The following TSHZ3 variants were observed in gnomAD, a reference collection of about 807,000 sequenced individuals.
The protein encoded by TSHZ3 is teashirt homolog 3.
Under a neutral mutation model 64.5 loss-of-function variants are expected in TSHZ3, and 10 were observed. The ratio of observed to expected loss-of-function variants is 0.16; its 90% CI spans 0.10 to 0.26. The LOEUF is 0.26. TSHZ3 is among the 10% of genes least tolerant of loss of function. The pLI is 1.00. For synonymous variants in TSHZ3, 608 were observed against 593.1 expected, an observed-to-expected ratio of 1.03 and a Z score of -0.36; for missense variants, 1,242 against 1,421.7, an observed-to-expected ratio of 0.87 and a Z score of 2.03.
At chr19:31,297,328 T>A (rs777274452) in intron 1 of TSHZ3, among the ~76,000 whole-genome samples, 2 of 152,190 alleles carry the variant, frequency 1.3e-5, no homozygotes, top group South Asian at 2.1e-4. Flanking sequence ...TGGAGACAGA[T>A]GTGCAGTGAG....
At chr19:31,231,723 G>A (rs1243088102) in intron 3 of TSHZ3, among the ~76,000 whole-genome samples, 1 of 152,038 alleles carries the variant, frequency 6.6e-6, no homozygotes, top group African/African-American at 2.4e-5. Flanking sequence ...TGCTTTATAG[G>A]GGAGGAAATG....
At chr19:31,336,747 G>T (rs1044694559) in intron 1 of TSHZ3, among the ~76,000 whole-genome samples, 5 of 152,144 alleles carry the variant, frequency 3.3e-5, no homozygotes, top group Non-Finnish European at 7.3e-5. Context: ...GAAGACCCCA[G>T]CCTGTGCCTC....
intron 1 of TSHZ3, among the ~76,000 whole-genome samples, chr19:31,303,168 G>A (rs1976781117): frequency 6.6e-6 from 1 of 152,166 alleles, no homozygotes; most frequent in South Asian, 2.1e-4. Context: ...CAGGCTAATG[G>A]GTGGGGTTGA....
Position 31,279,213 on chromosome 19 carries a change from C to A in TSHZ3, c.580G>T (p.Val194Leu). ...TTGCTGCTCTGCCGGTACAGCTGCACGGTGCTGAAGAGGCTGGGCTCCGGG... is the reference window on the plus strand; with the variant it reads ...TTGCTGCTCTGCCGGTACAGCTGCAAGGTGCTGAAGAGGCTGGGCTCCGGG... ...MLPEPSLFST[V>L]QLYRQSSKLY... Residue 194 changes from valine (V) to leucine (L), a missense_variant, in exon 2 of 2, where the codon GTG becomes TTG. By Grantham distance (32) the Val-to-Leu change is conservative (BLOSUM62 1). This residue lies in a region of TSHZ3 where 555 missense variants were observed against 704.0 expected (regional missense o/e 0.79). Transcript: ENST00000240587. This position sits in a 1 kb window ranked among gnomAD's most constrained non-coding sequence, Gnocchi z 6.4. 6.2e-7 allele frequency: 1 copy of A among 1,614,104 alleles called. No homozygotes were observed. Among genetic ancestry groups the A allele is most frequent in the Non-Finnish European group, 8.5e-7 (1 of 1,179,996 alleles).
chr19:31,306,141 GC>G (rs1432590403), intron 1 of TSHZ3, among the ~76,000 whole-genome samples: 1 of 152,168 alleles, frequency 6.6e-6, no homozygotes, highest in Non-Finnish European at 1.5e-5. Context: ...CGAGACGACG[GC>G]ACACCCACCG....
intron 1 of TSHZ3, among the ~76,000 whole-genome samples, chr19:31,330,709 CG>C (rs397807856): frequency 1.4e-4 from 12 of 85,604 alleles, no homozygotes; most frequent in East Asian, 3.1e-4. Flanking sequence ...AATCCTTGGG[CG>C]GGGGGAGGAA....
intron 1 of TSHZ3, among the ~76,000 whole-genome samples, chr19:31,266,287 AC>A (rs750742864): frequency 4.0e-5 from 6 of 151,842 alleles, no homozygotes; most frequent in Non-Finnish European, 5.9e-5. Context: ...ACATAACAAG[AC>A]CCCGTTTCTA....
chr19:31,165,182 G>C (rs1275622285), intron 5 of TSHZ3, among the ~76,000 whole-genome samples: 1 of 152,228 alleles, frequency 6.6e-6, no homozygotes, highest in Non-Finnish European at 1.5e-5. Context: ...GTTCCTTTCA[G>C]CGTCTGCCAA....
chr19:31,304,060 C>G (rs553213563), intron 1 of TSHZ3, among the ~76,000 whole-genome samples: 1 of 151,900 alleles, frequency 6.6e-6, no homozygotes, highest in Non-Finnish European at 1.5e-5. Context: ...CTGCAACCTC[C>G]GCCTCCCGGG....
intron 5 of TSHZ3, among the ~76,000 whole-genome samples, chr19:31,184,161 A>AT (rs1974768362): frequency 6.6e-6 from 1 of 151,980 alleles, no homozygotes; most frequent in African/African-American, 2.4e-5. Context: ...AAAAGGATGT[A>AT]TTTTTTCTTT....
At chr19:31,167,623 A>G (rs376244570) in intron 5 of TSHZ3, 66 of 152,388 alleles carry the variant, frequency 4.3e-4, no homozygotes, top group African/African-American at 1.5e-3. Flanking sequence ...AAGGAAGGGA[A>G]GAAAAAAGGG....
At chr19:31,248,030 C>A (rs2145189271) in intron 1 of TSHZ3, among the ~76,000 whole-genome samples, 1 of 152,268 alleles carries the variant, frequency 6.6e-6, no homozygotes, top group Admixed American at 6.5e-5. Flanking sequence ...TCTAACAAGG[C>A]AGCAGGTAAG....
chr19:31,279,193 G>C lies in TSHZ3; in HGVS notation c.600C>G (p.Ser200Arg), dbSNP rs762809163. Residue 200 changes from serine to arginine, a missense_variant, in exon 2 of 2, where the codon AGC (serine) becomes AGG (arginine). Physicochemically the swap from Ser to Arg is moderately radical, Grantham distance 110. Transcript: ENST00000240587. The surrounding 1 kb of genome is among the most constrained non-coding windows in gnomAD (Gnocchi z 6.4). ...LFSTVQLYRQ[S>R]SKLYGSIFTG... is the part of the protein sequence containing the mutation. ...TGAAGATGGAGCCATAGAGCTTGCT[G>C]CTCTGCCGGTACAGCTGCACGGTGC... 3 of 1,613,772 alleles carry C rather than the reference G, an allele frequency of 1.9e-6. No individual in the cohort carries two copies. The highest frequency in any genetic ancestry group is 2.5e-6 in the Non-Finnish European group (3 of 1,179,818).
At chr19:31,254,926 A>G (rs970306805) in intron 1 of TSHZ3, among the ~76,000 whole-genome samples, 1 of 152,198 alleles carries the variant, frequency 6.6e-6, no homozygotes, top group African/African-American at 2.4e-5. Context: ...CCTGGCCAGC[A>G]TCTGGAGAAG....
intron 6 of TSHZ3, among the ~76,000 whole-genome samples, chr19:31,152,520 G>A (rs1213209491): frequency 6.6e-6 from 1 of 152,070 alleles, no homozygotes; most frequent in East Asian, 1.9e-4. Flanking sequence ...GCCTTTTCAT[G>A]GCTTTGAGAC....
chr19:31,178,044 T>C (rs897634686), intron 5 of TSHZ3, among the ~76,000 whole-genome samples: 1 of 152,190 alleles, frequency 6.6e-6, no homozygotes, highest in Non-Finnish European at 1.5e-5. Flanking sequence ...TAGAGCTGCC[T>C]CAATTTCCTC....
downstream of TSHZ3, among the ~76,000 whole-genome samples, chr19:31,270,111 C>T (rs562607898): frequency 1.3e-5 from 2 of 152,320 alleles, no homozygotes; most frequent in East Asian, 1.9e-4. Flanking sequence ...CTTCATACAC[C>T]GGTGCCTGTA....
intron 5 of TSHZ3, among the ~76,000 whole-genome samples, chr19:31,178,327 C>T (rs1057429137): frequency 6.6e-6 from 1 of 152,138 alleles, no homozygotes; most frequent in Non-Finnish European, 1.5e-5. Flanking sequence ...GTTCCTCATT[C>T]GCACCCCTCC....
chr19:31,308,351 T>G (rs759443461), intron 1 of TSHZ3: 1 of 281,498 alleles, frequency 3.6e-6, no homozygotes, highest in Non-Finnish European at 6.5e-6. Flanking sequence ...TAGATAAAAA[T>G]CATGGCAAGG....
Sources: gnomAD v4.1 joint callset for allele counts (sites outside exome capture counted in the v4.1 genomes callset) on GRCh38, gnomAD v4.1.1 for gene constraint, gnomAD v4.1.1 regional missense constraint, Gnocchi (gnomAD v3.1) non-coding constraint, MANE v1.5 for transcripts, NCBI Gene and HGNC (gene_info 2026-07-23, HGNC 2026-07-21) for gene names.